Variants in RACGAP1 observed in about 807,000 individuals in gnomAD.
The protein encoded by RACGAP1 is rac GTPase-activating protein 1.
RACGAP1 carries 30 observed loss-of-function variants against 78.1 expected under a neutral mutation model. That is an observed-to-expected ratio of 0.38 (90% CI 0.29 to 0.52). RACGAP1 has a LOEUF of 0.52. RACGAP1 is among the 20% of genes least tolerant of loss of function. The pLI is 0.82. For missense variants in RACGAP1, 587 were observed against 777.1 expected (o/e 0.76, Z 2.91); for synonymous variants, 231 against 264.8 (o/e 0.87, Z 1.24).
At chr12:50,020,293 T>G (rs1205940477) in intron 1 of RACGAP1, among the ~76,000 whole-genome samples, 1 of 152,038 alleles carries the variant, frequency 6.6e-6, no homozygotes, top group Admixed American at 6.6e-5. Context: ...TTCTCCTGCC[T>G]CAGCCTCCCG....
At chr12:50,001,293 G>T in intron 6 of RACGAP1, 41 bp from the exon 7 acceptor site, 2 of 1,476,712 alleles carry the variant, frequency 1.4e-6, no homozygotes, top group Non-Finnish European at 1.9e-6. Context: ...ATGCCAAGCA[G>T]ATCTGAAGCA....
chr12:50,008,536 AG>A (rs1350020710), intron 2 of RACGAP1, among the ~76,000 whole-genome samples: 1 of 151,504 alleles, frequency 6.6e-6, no homozygotes, highest in Non-Finnish European at 1.5e-5. Context: ...TCTGTCACCC[AG>A]ACTGGAGTGC....
At chr12:49,991,468 T>TATATATATATATATAC (rs1565653887) in intron 15 of RACGAP1, among the ~76,000 whole-genome samples, 2 of 26,200 alleles carry the variant, frequency 7.6e-5, no homozygotes, top group African/African-American at 1.7e-4. Flanking sequence ...TATATATATA[T>TATATATATATATATAC]ATATATATAT....
Position 50,024,091 on chromosome 12 carries a change from G to A in RACGAP1, c.-5+1307C>T, listed in dbSNP as rs562309208. On this transcript the variant is annotated intron_variant, in intron 1 of 16. Transcript: ENST00000312377. ...CAGGAGAATGGCGTGAATCCGGGAGGCGGAGCTTGCAGTGAGCCGAGATCG... is the reference window on the plus strand; with the variant it reads ...CAGGAGAATGGCGTGAATCCGGGAGACGGAGCTTGCAGTGAGCCGAGATCG... Among the ~76,000 whole-genome samples, 3 of 152,134 alleles carry A rather than the reference G, an allele frequency of 2.0e-5. No individual in the cohort carries two copies. The East Asian group carries it at 5.8e-4, about 29-fold the overall frequency.
At chr12:50,010,825 G>A (rs537216532) in intron 2 of RACGAP1, among the ~76,000 whole-genome samples, 5 of 151,830 alleles carry the variant, frequency 3.3e-5, no homozygotes, top group African/African-American at 9.7e-5. Context: ...CCAGCTACTC[G>A]GGAGGCTGAG....
chr12:50,021,834 T>C (rs1480167601), intron 1 of RACGAP1, among the ~76,000 whole-genome samples: 1 of 152,210 alleles, frequency 6.6e-6, no homozygotes, highest in Non-Finnish European at 1.5e-5. Context: ...TCTCAGTACT[T>C]TAAGATCCTT....
chr12:49,992,286 C>A lies in RACGAP1; in HGVS notation c.1537G>T (p.Asp513Tyr). Residue 513 changes from aspartate (D) to tyrosine (Y), a missense_variant, in exon 14 of 17, where the codon GAC (aspartate) becomes TAC (tyrosine). Physicochemically the swap from Asp to Tyr is radical, Grantham distance 160. Coordinates refer to ENST00000312377, the MANE Select transcript of RACGAP1 (RefSeq NM_001319999.2). Reference protein sequence around the residue: ...TIVAHAVPNPDPVTMLQDIKR... With the variant: ...TIVAHAVPNPYPVTMLQDIKR... The stretch of plus-strand genomic sequence containing the variant: ...ATGTCCTGTAACATTGTCACTGGGT[C>A]TGGATTGGGCACAGCATGGGCCACT... 6.2e-7 allele frequency: 1 copy of A among 1,614,176 alleles called. No homozygotes were observed. Among genetic ancestry groups the A allele is most frequent in the Non-Finnish European group, 8.5e-7 (1 of 1,180,036 alleles).
At chr12:50,030,677 A>C (rs1950324476) in intron 2 of RACGAP1, among the ~76,000 whole-genome samples, 1 of 152,190 alleles carries the variant, frequency 6.6e-6, no homozygotes, top group Non-Finnish European at 1.5e-5. Flanking sequence ...CGACAGAGTG[A>C]AACTCTGTCT....
At chr12:50,013,989 A>G (rs1295530749) in intron 2 of RACGAP1, among the ~76,000 whole-genome samples, 4 of 152,232 alleles carry the variant, frequency 2.6e-5, no homozygotes, top group African/African-American at 7.2e-5. Flanking sequence ...GTGGTTACTG[A>G]GCTGGTACCA....
intron 1 of RACGAP1, among the ~76,000 whole-genome samples, chr12:50,020,556 T>C (rs1412292399): frequency 6.6e-6 from 1 of 152,152 alleles, no homozygotes; most frequent in Non-Finnish European, 1.5e-5. Context: ...AACCAATAAA[T>C]GTCGAGTTCT....
intron 10 of RACGAP1, among the ~76,000 whole-genome samples, chr12:49,996,626 GCTA>G (rs1246438251): frequency 6.9e-4 from 7 of 10,150 alleles, no homozygotes; most frequent in African/African-American, 1.8e-3. Context: ...AGGCAATAGA[GCTA>G]AAAAAAAAAA....
intron 3 of RACGAP1, 46 bp downstream of exon 3, chr12:50,006,388 C>G (rs751580445): frequency 6.3e-7 from 1 of 1,597,788 alleles, no homozygotes; most frequent in South Asian, 1.1e-5. Flanking sequence ...ACAATGCCTT[C>G]CCCCTCCTGC....
chr12:49,991,642 C>T (rs1449796448), intron 15 of RACGAP1, among the ~76,000 whole-genome samples: 1 of 150,330 alleles, frequency 6.7e-6, no homozygotes, highest in Non-Finnish European at 1.5e-5. Flanking sequence ...GCATGCGCCA[C>T]CACACCCAGC....
intron 7 of RACGAP1, among the ~76,000 whole-genome samples, chr12:50,000,694 C>T (rs924247338): frequency 5.3e-5 from 8 of 152,172 alleles, no homozygotes; most frequent in African/African-American, 1.9e-4. Flanking sequence ...CTCACTCTGA[C>T]AGTTGTTTAC....
chr12:50,015,205 C>CTA (rs1166711017), intron 2 of RACGAP1, among the ~76,000 whole-genome samples: 1 of 152,114 alleles, frequency 6.6e-6, no homozygotes, highest in East Asian at 1.9e-4. Context: ...GACAGTCTTG[C>CTA]TATGTTGCCC....
Position 50,016,646 on chromosome 12 carries a change from C to G in RACGAP1, c.70G>C (p.Glu24Gln). 1 of 1,613,902 alleles carries G rather than the reference C, an allele frequency of 6.2e-7. No homozygotes were observed. Among genetic ancestry groups the G allele is most frequent in the Non-Finnish European group, 8.5e-7 (1 of 1,179,942 alleles). The part of the protein sequence containing the change: ...QLVRRVEILS[E>Q]GNEVQFIQLA... ...AATGACTTACGGACTTCATTTCCTT[C>G]ACTGAGAATCTCCACCCGGCGCACA... is the stretch of plus-strand genomic sequence containing the variant. The change falls in exon 2 of 17, where the codon GAA (glutamate) becomes CAA (glutamine). Residue 24 changes from glutamate to glutamine, a missense_variant. Glu to Gln is a conservative substitution (Grantham distance 29). Coordinates refer to ENST00000312377, the MANE Select transcript of RACGAP1 (RefSeq NM_001319999.2).
chr12:50,017,169 T>G, intron 1 of RACGAP1: 5 of 754,200 alleles, frequency 6.6e-6, no homozygotes, highest in Non-Finnish European at 6.5e-6. Flanking sequence ...CTGTTGCAAC[T>G]GCCTTTTAAA....
intron 1 of RACGAP1, 185 bp downstream of exon 1, chr12:50,025,213 C>T (rs1467942130): frequency 2.6e-6 from 2 of 759,610 alleles, no homozygotes; most frequent in Non-Finnish European, 3.2e-6. Context: ...TCCCAGGCCG[C>T]GTCCATTCGA....
intron 2 of RACGAP1, among the ~76,000 whole-genome samples, chr12:50,030,638 G>A (rs1043940038): frequency 2.7e-5 from 4 of 150,900 alleles, no homozygotes; most frequent in Non-Finnish European, 5.9e-5. Context: ...GCAGTAACCC[G>A]CGATTGCGCC....
Sources: gnomAD v4.1 joint callset for allele counts (sites outside exome capture counted in the v4.1 genomes callset) on GRCh38, gnomAD v4.1.1 for gene constraint, MANE v1.5 for transcripts, NCBI Gene and HGNC (gene_info 2026-07-23, HGNC 2026-07-21) for gene names.